NTRK2: variants seen among roughly 807,000 people sequenced by gnomAD.
NTRK2 encodes the protein BDNF/NT-3 growth factors receptor.
In NTRK2, 13 loss-of-function variants were observed where a neutral mutation model predicts 94.5. That is an observed-to-expected ratio of 0.14 (90% CI 0.09 to 0.22). The LOEUF (loss-of-function observed/expected upper bound fraction) is 0.22, where lower values mean the gene tolerates loss of function less well. Among genes scored for constraint, NTRK2 ranks in the 10% least tolerant of loss-of-function variants. The probability of loss-of-function intolerance (pLI) is 1.00; values close to 1 mark genes in which losing one functional copy is unlikely to be tolerated. For missense variants in NTRK2, 639 were observed against 1,071.2 expected (o/e 0.60, Z 5.63); for synonymous variants, 372 against 407.4 (o/e 0.91, Z 1.05).
intron 12 of NTRK2, among the ~76,000 whole-genome samples, chr9:84,856,034 A>T (rs1273150414): frequency 6.6e-6 from 1 of 152,186 alleles, no homozygotes; most frequent in Non-Finnish European, 1.5e-5. Flanking sequence ...CAGGGTGGGG[A>T]AAAAGGGAAA....
chr9:84,725,649 T>TTA (rs993195401), intron 8 of NTRK2, among the ~76,000 whole-genome samples: 12 of 148,138 alleles, frequency 8.1e-5, no homozygotes, highest in African/African-American at 2.4e-4. Flanking sequence ...ATTATATATA[T>TTA]TATATATATA....
chr9:84,913,547 G>T (rs551889399), intron 14 of NTRK2, among the ~76,000 whole-genome samples: 4 of 152,170 alleles, frequency 2.6e-5, no homozygotes, highest in Non-Finnish European at 2.9e-5. Flanking sequence ...CATTTTTACT[G>T]GATATAGTAT....
chr9:85,017,537 A>G (rs1370834384), intron 17 of NTRK2, among the ~76,000 whole-genome samples: 6 of 152,184 alleles, frequency 3.9e-5, no homozygotes, highest in African/African-American at 1.2e-4. Context: ...ACATATATAA[A>G]TGGTTATCTC....
intron 14 of NTRK2, among the ~76,000 whole-genome samples, chr9:84,919,894 C>A (rs1377351322): frequency 1.3e-5 from 2 of 152,090 alleles, no homozygotes; most frequent in African/African-American, 4.8e-5. Context: ...CCACTTTGCA[C>A]CTAGAAAAAG....
At chr9:84,900,614 G>C (rs983993699) in intron 14 of NTRK2, among the ~76,000 whole-genome samples, 2 of 152,178 alleles carry the variant, frequency 1.3e-5, no homozygotes, top group Non-Finnish European at 2.9e-5. Context: ...AAAGCAGGCT[G>C]CATTTCAGAG....
intron 14 of NTRK2, among the ~76,000 whole-genome samples, chr9:84,868,080 C>T (rs2075677794): frequency 6.6e-6 from 1 of 152,192 alleles, no homozygotes; most frequent in Admixed American, 6.5e-5. Flanking sequence ...CTATCTTCTG[C>T]ACCACTGCTC....
chr9:84,996,789 G>A (rs1829802836), intron 17 of NTRK2, among the ~76,000 whole-genome samples: 1 of 152,248 alleles, frequency 6.6e-6, no homozygotes, highest in Non-Finnish European at 1.5e-5. Flanking sequence ...GATATAGAAA[G>A]AGGTAGAGAG....
chr9:84,883,945 G>A (rs1030404621), intron 14 of NTRK2, among the ~76,000 whole-genome samples: 2 of 152,180 alleles, frequency 1.3e-5, no homozygotes, highest in African/African-American at 4.8e-5. Context: ...AATGTTAGTT[G>A]TATAATTTAG....
intron 12 of NTRK2, among the ~76,000 whole-genome samples, chr9:84,819,266 G>A (rs889720887): frequency 3.9e-5 from 6 of 152,094 alleles, no homozygotes; most frequent in Non-Finnish European, 8.8e-5. Flanking sequence ...CATAGGCCAC[G>A]GCTGTTTGCT....
chr9:84,959,217 G>A (rs1824561081), intron 17 of NTRK2, among the ~76,000 whole-genome samples: 1 of 152,154 alleles, frequency 6.6e-6, no homozygotes, highest in Non-Finnish European at 1.5e-5. Flanking sequence ...TAGCTGATGT[G>A]AGCTGTCGTC....
intron 12 of NTRK2, among the ~76,000 whole-genome samples, chr9:84,766,762 A>G (rs1230247114): frequency 6.6e-6 from 1 of 151,992 alleles, no homozygotes; most frequent in Non-Finnish European, 1.5e-5. Context: ...CTTTTAATAC[A>G]TACATTCAAC....
chr9:84,871,838 G>C, intron 14 of NTRK2: 1 of 1,613,634 alleles, frequency 6.2e-7, no homozygotes, highest in Non-Finnish European at 8.5e-7. Context: ...GTATTTGGAG[G>C]CTCCTGTGTC....
chr9:85,025,979 A>G lies in NTRK2; in HGVS notation c.*4542A>G, dbSNP rs1318666048. On this transcript the variant is annotated 3_prime_UTR_variant, in exon 19 of 19. Transcript: ENST00000277120. ...GGTATTTTCTTGTTGTCAGGGCTGG[A>G]ATGAATCACTGCTGCTCAAGTCAAA... 6 of 232,660 alleles carry G rather than the reference A, an allele frequency of 2.6e-5. No individual in the cohort carries two copies. Among genetic ancestry groups the G allele is most frequent in the African/African-American group, 1.3e-4 (6 of 45,312 alleles). The allele number at this position is 232,660 out of a possible 1,614,324, so 14.4% of individuals were successfully genotyped here.
intron 12 of NTRK2, among the ~76,000 whole-genome samples, chr9:84,822,225 G>A (rs2072895769): frequency 2.0e-5 from 3 of 152,122 alleles, no homozygotes; most frequent in Admixed American, 2.0e-4. Flanking sequence ...GAAAAACAAA[G>A]AAGTTGTCAC....
chr9:85,001,953 G>T (rs986221573), intron 17 of NTRK2, among the ~76,000 whole-genome samples: 17 of 152,230 alleles, frequency 1.1e-4, no homozygotes, highest in African/African-American at 3.4e-4. Context: ...TCAGAGGTAT[G>T]CGGGGAAGGG....
chr9:84,882,118 G>A lies in NTRK2; in HGVS notation c.1633+14687G>A, dbSNP rs532375647. ...ACCTAGATACCCAAACCCTAGCATC[G>A]GCTTTTAATGCACACACTGAATTCG... On this transcript the variant is annotated intron_variant, in intron 14 of 18. Transcript: ENST00000277120. 2.6e-5 allele frequency among the ~76,000 whole-genome samples: 4 copies of A among 152,118 alleles called. No homozygotes were observed. In the South Asian group the frequency reaches 6.2e-4, roughly 24 times the overall value.
chr9:84,973,568 T>G (rs1001547383), intron 17 of NTRK2, among the ~76,000 whole-genome samples: 1 of 152,212 alleles, frequency 6.6e-6, no homozygotes, highest in Non-Finnish European at 1.5e-5. Context: ...ACAAACATAG[T>G]ACTCCTGTTA....
At chr9:84,677,981 A>T (rs1287210533) in intron 2 of NTRK2, among the ~76,000 whole-genome samples, 1 of 152,226 alleles carries the variant, frequency 6.6e-6, no homozygotes, top group Non-Finnish European at 1.5e-5. Context: ...AATAAGGACA[A>T]ATTGCTACTT....
intron 9 of NTRK2, among the ~76,000 whole-genome samples, chr9:84,728,503 G>A (rs1445569702): frequency 6.6e-6 from 1 of 152,142 alleles, no homozygotes; most frequent in African/African-American, 2.4e-5. Context: ...TACCCACAAT[G>A]GCAAAACCCA....
Sources: gnomAD v4.1 joint callset for allele counts (sites outside exome capture counted in the v4.1 genomes callset) on GRCh38, gnomAD v4.1.1 for gene constraint, MANE v1.5 for transcripts, NCBI Gene and HGNC (gene_info 2026-07-23, HGNC 2026-07-21) for gene names.